Variants in CADPS2 observed in about 807,000 individuals in gnomAD.
CADPS2 encodes the protein calcium dependent secretion activator 2, also known as calcium-dependent secretion activator 2.
CADPS2 carries 93 observed loss-of-function variants against 172.5 expected under a neutral mutation model. The ratio of observed to expected loss-of-function variants is 0.54; its 90% CI spans 0.46 to 0.64. The LOEUF is 0.64. Among genes scored for constraint, CADPS2 ranks in the 30% least tolerant of loss-of-function variants. CADPS2 has a pLI of 0.00. For missense variants in CADPS2, 1,420 were observed against 1,565.9 expected, an observed-to-expected ratio of 0.91 and a Z score of 1.57; for synonymous variants, 546 against 555.2, an observed-to-expected ratio of 0.98 and a Z score of 0.23.
At chr7:122,710,881 G>GATTC (rs2088590899) in intron 2 of CADPS2, among the ~76,000 whole-genome samples, 1 of 152,036 alleles carries the variant, frequency 6.6e-6, no homozygotes, top group African/African-American at 2.4e-5. Context: ...GGTCTTATCT[G>GATTC]ATTCATTTTT....
chr7:122,557,021 A>G (rs2065115271), intron 7 of CADPS2, among the ~76,000 whole-genome samples: 1 of 152,092 alleles, frequency 6.6e-6, no homozygotes, highest in African/African-American at 2.4e-5. Context: ...CCTCCACTGG[A>G]AAGACGTGGG....
chr7:122,389,876 A>G (rs2044151587), intron 22 of CADPS2, among the ~76,000 whole-genome samples: 1 of 152,092 alleles, frequency 6.6e-6, no homozygotes, highest in African/African-American at 2.4e-5. Flanking sequence ...CTGCACATGT[A>G]TCCCAGAACT....
chr7:122,418,630 AG>A (rs1585831131), intron 17 of CADPS2, among the ~76,000 whole-genome samples: 1 of 152,308 alleles, frequency 6.6e-6, no homozygotes, highest in East Asian at 1.9e-4. Context: ...AGATGATAGT[AG>A]GAATAGAAAA....
intron 2 of CADPS2, among the ~76,000 whole-genome samples, chr7:122,731,155 T>A (rs2091601995): frequency 6.6e-6 from 1 of 151,674 alleles, no homozygotes; most frequent in Non-Finnish European, 1.5e-5. Context: ...ATTTATTCTT[T>A]GGAACCAAAG....
intron 6 of CADPS2, among the ~76,000 whole-genome samples, chr7:122,608,994 C>G (rs2133721516): frequency 6.6e-6 from 1 of 152,004 alleles, no homozygotes; most frequent in African/African-American, 2.4e-5. Flanking sequence ...TTGAGACAAG[C>G]CTGGGTAACA....
intron 2 of CADPS2, among the ~76,000 whole-genome samples, chr7:122,685,126 G>A (rs1008482958): frequency 1.3e-5 from 2 of 151,984 alleles, no homozygotes; most frequent in Non-Finnish European, 2.9e-5. Flanking sequence ...CTGATTCCCA[G>A]GATTGTGAGC....
At chr7:122,334,874 A>G (rs1427151766) in intron 28 of CADPS2, among the ~76,000 whole-genome samples, 2 of 152,200 alleles carry the variant, frequency 1.3e-5, no homozygotes, top group Non-Finnish European at 2.9e-5. Context: ...CCCATTTGGT[A>G]AGCTCCCTTG....
At chr7:122,820,044 C>G (rs139882955) in intron 1 of CADPS2, among the ~76,000 whole-genome samples, 30,268 of 152,102 alleles carry the variant, frequency 0.2, 3,156 homozygotes, top group Middle Eastern at 0.3. Context: ...ACAAGCCTTA[C>G]AAGTTAGTTC....
At chr7:122,379,463 A>T (rs1189173721) in intron 24 of CADPS2, 21 bp from the exon 25 acceptor site, 2 of 1,529,968 alleles carry the variant, frequency 1.3e-6, no homozygotes. Flanking sequence ...AAAGATAAAA[A>T]CTCATTAGTT....
chr7:122,773,705 G>T (rs1785082900), intron 1 of CADPS2, among the ~76,000 whole-genome samples: 1 of 152,058 alleles, frequency 6.6e-6, no homozygotes, highest in East Asian at 1.9e-4. Context: ...TTTAATCACA[G>T]AAAAGGGTTG....
chr7:122,677,808 G>GTGGC (rs1013843135), intron 2 of CADPS2, among the ~76,000 whole-genome samples: 2 of 152,158 alleles, frequency 1.3e-5, no homozygotes, highest in Non-Finnish European at 1.5e-5. Context: ...TTATCAATTT[G>GTGGC]TGGCTCATTC....
At chr7:122,681,726 A>T (rs551764985) in intron 2 of CADPS2, 1 of 597,730 alleles carries the variant, frequency 1.7e-6, no homozygotes, top group African/African-American at 1.9e-5. Context: ...TGGAAATTGT[A>T]AAAAAATAAT....
At chr7:122,632,137 G>C (rs1297978298) in intron 3 of CADPS2, among the ~76,000 whole-genome samples, 4 of 152,056 alleles carry the variant, frequency 2.6e-5, no homozygotes, top group Non-Finnish European at 5.9e-5. Context: ...CCAGGTCTTT[G>C]CTATTGTCAT....
At chr7:122,614,165 G>A (rs539025964) in intron 6 of CADPS2, among the ~76,000 whole-genome samples, 77 of 151,960 alleles carry the variant, frequency 5.1e-4, no homozygotes, top group Non-Finnish European at 8.8e-4. Context: ...GCAGAAGATC[G>A]GGGGAACAGA....
At chr7:122,541,859 A>ATATATATTCATATATT (rs1563649328) in intron 8 of CADPS2, among the ~76,000 whole-genome samples, 1 of 79,464 alleles carries the variant, frequency 1.3e-5, no homozygotes, top group African/African-American at 3.5e-5. Context: ...ATATATATTT[A>ATATATATTCATATATT]TATATATGCA....
intron 6 of CADPS2, among the ~76,000 whole-genome samples, chr7:122,607,625 T>C (rs1044388152): frequency 6.6e-6 from 1 of 152,170 alleles, no homozygotes; most frequent in African/African-American, 2.4e-5. Context: ...TCAGCTAACA[T>C]CTGGAATCTA....
intron 1 of CADPS2, among the ~76,000 whole-genome samples, chr7:122,751,001 A>G (rs1169033141): frequency 6.6e-6 from 1 of 152,214 alleles, no homozygotes; most frequent in Non-Finnish European, 1.5e-5. Flanking sequence ...CATAAAAACG[A>G]AAAGATAAAT....
chr7:122,365,532 T>C (rs191457057), intron 25 of CADPS2, among the ~76,000 whole-genome samples: 46 of 152,300 alleles, frequency 3.0e-4, no homozygotes, highest in Non-Finnish European at 1.8e-4. Context: ...CCCAGTTAAA[T>C]GTTGGGTTTA....
intron 1 of CADPS2, among the ~76,000 whole-genome samples, chr7:122,878,390 C>G (rs1276089673): frequency 6.6e-6 from 1 of 150,476 alleles, no homozygotes; most frequent in African/African-American, 2.4e-5. Flanking sequence ...CGGTGGCTCA[C>G]GCCTGTAATC....
Sources: allele counts gnomAD v4.1 joint callset (sites outside exome capture counted in the v4.1 genomes callset), GRCh38; gene constraint gnomAD v4.1.1; transcripts MANE v1.5; gene names NCBI Gene and HGNC (gene_info 2026-07-23, HGNC 2026-07-21).